UGGT2: variants seen among roughly 807,000 people sequenced by gnomAD.
UGGT2 encodes the protein UDP-glucose:glycoprotein glucosyltransferase 2.
Under a neutral mutation model 192.1 loss-of-function variants are expected in UGGT2, and 180 were observed. That is an observed-to-expected ratio of 0.94 (90% CI 0.83 to 1.06). UGGT2 has a LOEUF of 1.06. Among genes scored for constraint, UGGT2 ranks in the 50% least tolerant of loss-of-function variants. UGGT2 has a pLI of 0.00. For missense variants in UGGT2, 1,849 were observed against 1,795.7 expected (o/e 1.03, Z -0.54); for synonymous variants, 580 against 591.0 (o/e 0.98, Z 0.27).
chr13:95,983,659 G>A, intron 10 of UGGT2, 145 bp downstream of exon 10: 1 of 683,444 alleles, frequency 1.5e-6, no homozygotes, highest in South Asian at 1.6e-5. Flanking sequence ...ATAGTCCACA[G>A]TATAAAAATA....
chr13:95,862,480 T>C (rs1161662802), intron 31 of UGGT2, among the ~76,000 whole-genome samples: 1 of 152,152 alleles, frequency 6.6e-6, no homozygotes, highest in South Asian at 2.1e-4. Flanking sequence ...AGTAACAACC[T>C]GGTATTTTGG....
chr13:95,869,301 G>A (rs1019373477), intron 29 of UGGT2, among the ~76,000 whole-genome samples: 1 of 151,964 alleles, frequency 6.6e-6, no homozygotes, highest in African/African-American at 2.4e-5. Flanking sequence ...TGGACATTTG[G>A]GTTGGTTCCA....
Position 95,927,335 on chromosome 13 carries a change from C to T in UGGT2, c.1979G>A (p.Gly660Asp). 1.3e-6 allele frequency: 2 copies of T among 1,593,928 alleles called. No individual in the cohort carries two copies. The highest frequency in any genetic ancestry group is 1.7e-6 in the Non-Finnish European group (2 of 1,173,756). The change falls in exon 18 of 39, where the codon GGC (glycine) becomes GAC (aspartate). Residue 660 changes from glycine to aspartate, a missense_variant and splice_region_variant. Transcript: ENST00000376747. ...TGCATTCGTGCGATCATTTAATGTG[C>T]CCTAAAAAAACAAAAATGTTATTTA... ...SVYLQREVFL[G>D]TLNDRTNAID...
intron 36 of UGGT2, among the ~76,000 whole-genome samples, chr13:95,844,207 C>CTCAAG (rs1888156569): frequency 6.6e-6 from 1 of 152,236 alleles, no homozygotes; most frequent in Non-Finnish European, 1.5e-5. Flanking sequence ...AGTGATCCAC[C>CTCAAG]TGCCTCGGCC....
At chr13:95,944,643 TTAATG>T (rs1332177969) in intron 15 of UGGT2, among the ~76,000 whole-genome samples, 1 of 152,076 alleles carries the variant, frequency 6.6e-6, no homozygotes, top group Non-Finnish European at 1.5e-5. Flanking sequence ...TCCTAGTTCA[TTAATG>T]TATATTCTTA....
chr13:95,850,289 G>C (rs1313874922), intron 36 of UGGT2, among the ~76,000 whole-genome samples: 1 of 152,210 alleles, frequency 6.6e-6, no homozygotes, highest in Non-Finnish European at 1.5e-5. Flanking sequence ...TTCATAAGAA[G>C]TGGTGAATGG....
intron 2 of UGGT2, among the ~76,000 whole-genome samples, chr13:96,028,872 C>G (rs565693274): frequency 1.3e-5 from 2 of 152,144 alleles, no homozygotes; most frequent in East Asian, 3.9e-4. Flanking sequence ...AGGCCGGGCA[C>G]GGTGGCTCAC....
intron 38 of UGGT2, among the ~76,000 whole-genome samples, chr13:95,803,417 C>T (rs534466397): frequency 1.3e-4 from 20 of 152,208 alleles, no homozygotes; most frequent in African/African-American, 4.3e-4. Context: ...TGCGCCACCA[C>T]GCCTGGCTAA....
intron 20 of UGGT2, among the ~76,000 whole-genome samples, chr13:95,913,796 T>C (rs1021101293): frequency 3.3e-5 from 5 of 152,212 alleles, no homozygotes; most frequent in African/African-American, 9.6e-5. Flanking sequence ...TGTATGTTTA[T>C]TGTGGCACTA....
At chr13:95,908,484 A>C (rs1380917514) in intron 20 of UGGT2, among the ~76,000 whole-genome samples, 1 of 151,976 alleles carries the variant, frequency 6.6e-6, no homozygotes, top group African/African-American at 2.4e-5. Flanking sequence ...AAAAACTGTT[A>C]AGGGCATTTC....
intron 15 of UGGT2, among the ~76,000 whole-genome samples, chr13:95,941,082 T>C (rs2049663818): frequency 6.6e-6 from 1 of 152,182 alleles, no homozygotes; most frequent in Admixed American, 6.5e-5. Context: ...AGAGATGGCA[T>C]CTCTTGAGTA....
At chr13:95,847,430 C>A (rs924465493) in intron 36 of UGGT2, among the ~76,000 whole-genome samples, 9 of 152,182 alleles carry the variant, frequency 5.9e-5, no homozygotes, top group African/African-American at 2.2e-4. Flanking sequence ...CCTAAAAATT[C>A]TCTGTGCTCC....
At chr13:95,901,230 T>A (rs1043821247) in intron 21 of UGGT2, among the ~76,000 whole-genome samples, 1 of 152,046 alleles carries the variant, frequency 6.6e-6, no homozygotes, top group Non-Finnish European at 1.5e-5. Flanking sequence ...TTAAATAAAA[T>A]TTGATATGAA....
intron 1 of UGGT2, among the ~76,000 whole-genome samples, chr13:96,044,062 A>C (rs140987762): frequency 6.6e-6 from 1 of 152,176 alleles, no homozygotes. Flanking sequence ...CAGAATATAC[A>C]TTCTATTCAT....
intron 37 of UGGT2, 67 bp from the exon 38 acceptor site, chr13:95,833,120 T>C: frequency 1.3e-6 from 2 of 1,538,152 alleles, no homozygotes; most frequent in Non-Finnish European, 1.8e-6. Context: ...CAATGCTGTG[T>C]CACTAGGGCA....
chr13:95,846,132 A>G lies in UGGT2; in HGVS notation c.4284+7411T>C, dbSNP rs375465964. ...CACGCCACTGCACTCCAGCCTGGGC[A>G]ACATTGAGCACTGAGTGAACGAGAC... On this transcript the variant is annotated intron_variant, in intron 36 of 38. Transcript: ENST00000376747. Among the ~76,000 whole-genome samples, 40 of 152,306 alleles carry G rather than the reference A, an allele frequency of 2.6e-4. No homozygotes were observed. The South Asian group carries it at 3.9e-3, about 15-fold the overall frequency.
At chr13:95,991,931 C>T (rs1184216830) in intron 7 of UGGT2, among the ~76,000 whole-genome samples, 2 of 152,060 alleles carry the variant, frequency 1.3e-5, no homozygotes, top group African/African-American at 4.8e-5. Flanking sequence ...CCGAGGCAGG[C>T]GGATCACGAG....
intron 20 of UGGT2, 98 bp from the exon 21 acceptor site, chr13:95,903,158 G>A: frequency 8.5e-7 from 1 of 1,178,040 alleles, no homozygotes; most frequent in Non-Finnish European, 1.2e-6. Flanking sequence ...ACTGTATCAT[G>A]CACCATCTTT....
intron 12 of UGGT2, among the ~76,000 whole-genome samples, chr13:95,950,395 T>C (rs1410345992): frequency 6.6e-6 from 1 of 152,032 alleles, no homozygotes; most frequent in African/African-American, 2.4e-5. Flanking sequence ...GGCCAGATCC[T>C]AGAAGTAAGA....
Sources: allele counts gnomAD v4.1 joint callset (sites outside exome capture counted in the v4.1 genomes callset), GRCh38; gene constraint gnomAD v4.1.1; transcripts MANE v1.5; gene names NCBI Gene and HGNC (gene_info 2026-07-23, HGNC 2026-07-21).